The following EYS variants were observed in gnomAD, a reference collection of about 807,000 sequenced individuals.
The protein encoded by EYS is protein eyes shut homolog.
Under a neutral mutation model 282.1 loss-of-function variants are expected in EYS, and 250 were observed. The ratio of observed to expected loss-of-function variants is 0.89; its 90% CI spans 0.80 to 0.98. EYS has a LOEUF of 0.98. Ranked by LOEUF, EYS falls within the 50% of genes least tolerant of loss-of-function variation. EYS has a pLI of 0.00. For missense variants in EYS, 4,016 were observed against 3,709.0 expected (o/e 1.08, Z -2.15); for synonymous variants, 1,355 against 1,282.9 (o/e 1.06, Z -1.20).
At chr6:65,457,494 C>T (rs1764669642) in intron 5 of EYS, among the ~76,000 whole-genome samples, 1 of 152,042 alleles carries the variant, frequency 6.6e-6, no homozygotes, top group South Asian at 2.1e-4. Flanking sequence ...AGCAGCAATC[C>T]TCGATTGGAA....
rs1368018089 is a variant in EYS, at chr6:65,565,011, C to T, written c.-332-69018G>A. On this transcript the variant is annotated intron_variant, in intron 2 of 42. Transcript: ENST00000503581. ...CTGTAATCCCAGCACTTTGGGAGGC[C>T]GAGGCGGGCGGATCACGAGGTCAGG... 7.2e-5 allele frequency among the ~76,000 whole-genome samples: 4 copies of T among 55,776 alleles called. 2 individuals are homozygous for T. The highest frequency in any genetic ancestry group is 6.6e-4 in the African/African-American group (4 of 6,064). 36.6% of individuals were successfully genotyped at this position (55,776 alleles called of 152,430 possible). A position where few individuals can be genotyped will look rare whatever the true frequency, so the allele number is the denominator to read the frequency against.
chr6:65,278,896 A>G (rs1232832636), intron 12 of EYS, among the ~76,000 whole-genome samples: 6 of 152,106 alleles, frequency 3.9e-5, no homozygotes, highest in Admixed American at 2.0e-4. Flanking sequence ...GTTACATAAT[A>G]TGATACCTGT....
At chr6:63,970,547 C>A (rs1346661162) in intron 35 of EYS, among the ~76,000 whole-genome samples, 1 of 151,624 alleles carries the variant, frequency 6.6e-6, no homozygotes, top group Non-Finnish European at 1.5e-5. Context: ...AGGCAGGAGA[C>A]TGGCATGAAC....
At chr6:63,730,191 T>C (rs1768746879) in intron 41 of EYS, among the ~76,000 whole-genome samples, 1 of 152,310 alleles carries the variant, frequency 6.6e-6, no homozygotes, top group South Asian at 2.1e-4. Flanking sequence ...ATGATATATT[T>C]CATATTTGCC....
chr6:64,799,731 AT>A (rs1774478735), intron 22 of EYS, among the ~76,000 whole-genome samples: 1 of 151,138 alleles, frequency 6.6e-6, no homozygotes, highest in South Asian at 2.1e-4. Context: ...TCTATCTCAA[AT>A]AAAAAATGTT....
At chr6:64,221,300 G>A (rs1384672915) in intron 31 of EYS, among the ~76,000 whole-genome samples, 1 of 152,068 alleles carries the variant, frequency 6.6e-6, no homozygotes, top group Non-Finnish European at 1.5e-5. Context: ...ATTAGGTCAC[G>A]AGGACAAAGT....
At chr6:64,911,399 T>A (rs1767985883) in intron 16 of EYS, among the ~76,000 whole-genome samples, 1 of 152,140 alleles carries the variant, frequency 6.6e-6, no homozygotes, top group Admixed American at 6.6e-5. Flanking sequence ...GCCCAGAAGT[T>A]TCTGTCACGT....
At chr6:65,167,399 T>A (rs2150225227) in intron 12 of EYS, among the ~76,000 whole-genome samples, 1 of 151,418 alleles carries the variant, frequency 6.6e-6, no homozygotes, top group African/African-American at 2.4e-5. Context: ...TGGCAAGGAT[T>A]GCACAACTTT....
intron 33 of EYS, among the ~76,000 whole-genome samples, 191 bp from the exon 34 acceptor site, chr6:63,999,374 G>A (rs761121087): frequency 1.3e-5 from 2 of 152,156 alleles, no homozygotes; most frequent in African/African-American, 2.4e-5. Flanking sequence ...CTAACACTGC[G>A]TTTTATTTTC....
At chr6:63,791,597 GA>G (rs1770515383) in intron 37 of EYS, among the ~76,000 whole-genome samples, 1 of 145,500 alleles carries the variant, frequency 6.9e-6, no homozygotes, top group Non-Finnish European at 1.5e-5. Flanking sequence ...AAAAAAAAAA[GA>G]AGAAGAACTG....
At chr6:65,597,623 G>A (rs1765454860) in intron 2 of EYS, among the ~76,000 whole-genome samples, 1 of 152,058 alleles carries the variant, frequency 6.6e-6, no homozygotes, top group Non-Finnish European at 1.5e-5. Flanking sequence ...CTCAATGCAA[G>A]GTCACTTCAG....
At chr6:64,412,262 T>C (rs1385676273) in intron 28 of EYS, among the ~76,000 whole-genome samples, 1 of 152,076 alleles carries the variant, frequency 6.6e-6, no homozygotes, top group Admixed American at 6.6e-5. Flanking sequence ...TAAATTTTAC[T>C]AAAAGCACAC....
At chr6:65,621,124 C>T (rs544240325) in intron 2 of EYS, among the ~76,000 whole-genome samples, 15 of 152,142 alleles carry the variant, frequency 9.9e-5, no homozygotes, top group African/African-American at 2.2e-4. Flanking sequence ...CTTTCTGTCT[C>T]GTTGATCTGT....
At chr6:65,588,288 C>A (rs1003551089) in intron 2 of EYS, among the ~76,000 whole-genome samples, 1 of 152,002 alleles carries the variant, frequency 6.6e-6, no homozygotes, top group Non-Finnish European at 1.5e-5. Flanking sequence ...TCCCATAAAT[C>A]ATATTCTTAT....
At chr6:63,825,027 C>A (rs769109541) in intron 36 of EYS, among the ~76,000 whole-genome samples, 1 of 152,136 alleles carries the variant, frequency 6.6e-6, no homozygotes, top group Non-Finnish European at 1.5e-5. Flanking sequence ...CCCCTCTCAC[C>A]CGCCACCTGG....
At chr6:65,478,153 AAGG>A (rs1174631049) in intron 5 of EYS, among the ~76,000 whole-genome samples, 1 of 152,128 alleles carries the variant, frequency 6.6e-6, no homozygotes, top group African/African-American at 2.4e-5. Flanking sequence ...TGCAGAAGTG[AAGG>A]AGAAGAAGAG....
intron 5 of EYS, among the ~76,000 whole-genome samples, chr6:65,421,358 C>A (rs1033846797): frequency 3.3e-5 from 5 of 151,834 alleles, no homozygotes; most frequent in Non-Finnish European, 7.4e-5. Context: ...TCTATACCTT[C>A]CTCACCTCTC....
chr6:65,265,938 G>T (rs1186174764), intron 12 of EYS, among the ~76,000 whole-genome samples: 1 of 151,792 alleles, frequency 6.6e-6, no homozygotes, highest in Non-Finnish European at 1.5e-5. Flanking sequence ...ATAATATTTT[G>T]TAGTTTCTAA....
chr6:64,759,072 A>G (rs1562175754), intron 22 of EYS, among the ~76,000 whole-genome samples: 1 of 152,058 alleles, frequency 6.6e-6, no homozygotes. Context: ...CCGGGAGGCG[A>G]AGCTTGCAGT....
Sources: allele counts gnomAD v4.1 joint callset (sites outside exome capture counted in the v4.1 genomes callset), GRCh38; gene constraint gnomAD v4.1.1; transcripts MANE v1.5; gene names NCBI Gene and HGNC (gene_info 2026-07-23, HGNC 2026-07-21).